KIAA1958: variants seen among roughly 807,000 people sequenced by gnomAD.
KIAA1958 encodes KIAA1958, also known as uncharacterized protein KIAA1958.
Under a neutral mutation model 47.2 loss-of-function variants are expected in KIAA1958, and 14 were observed. The ratio of observed to expected loss-of-function variants is 0.30; its 90% CI spans 0.20 to 0.46. KIAA1958 has a LOEUF of 0.46. Among genes scored for constraint, KIAA1958 ranks in the 20% least tolerant of loss-of-function variants. KIAA1958 has a pLI of 1.00. For missense variants in KIAA1958, 803 were observed against 909.2 expected (o/e 0.88, Z 1.50); for synonymous variants, 354 against 353.3 (o/e 1.00, Z -0.02).
intron 1 of KIAA1958, among the ~76,000 whole-genome samples, chr9:112,558,210 C>T (rs988438207): frequency 2.0e-5 from 3 of 150,628 alleles, no homozygotes; most frequent in Admixed American, 6.6e-5. Context: ...GGAGACAGAG[C>T]GAGACTCTGT....
chr9:112,488,263 T>C (rs949625323), intron 1 of KIAA1958, among the ~76,000 whole-genome samples: 3 of 152,214 alleles, frequency 2.0e-5, no homozygotes, highest in Non-Finnish European at 4.4e-5. Flanking sequence ...TCCACGTATA[T>C]AACCCAACGA....
chr9:112,572,860 G>A (rs187425825), intron 1 of KIAA1958, among the ~76,000 whole-genome samples: 15 of 152,286 alleles, frequency 9.8e-5, no homozygotes, highest in South Asian at 4.1e-4. Flanking sequence ...CTGACAGGGC[G>A]CCATGGAGTC....
chr9:112,494,059 A>T (rs1014572404), intron 1 of KIAA1958, among the ~76,000 whole-genome samples: 1 of 152,216 alleles, frequency 6.6e-6, no homozygotes, highest in Non-Finnish European at 1.5e-5. Context: ...CATAGGCCTT[A>T]GTTTGCTGAG....
chr9:112,575,286 C>G, intron 2 of KIAA1958, 35 bp downstream of exon 2: 1 of 1,397,608 alleles, frequency 7.2e-7, no homozygotes, highest in Non-Finnish European at 9.6e-7. Flanking sequence ...GTCCCTCATC[C>G]ACGCACGCCA....
chr9:112,563,014 A>C (rs1006050043), intron 1 of KIAA1958, among the ~76,000 whole-genome samples: 3 of 148,754 alleles, frequency 2.0e-5, no homozygotes. Flanking sequence ...ATTCCCTTTC[A>C]TCTTAACTTT....
intron 1 of KIAA1958, among the ~76,000 whole-genome samples, chr9:112,561,874 C>CAAAA (rs1351543983): frequency 6.6e-6 from 1 of 151,984 alleles, no homozygotes; most frequent in Non-Finnish European, 1.5e-5. Flanking sequence ...AACAAACAAA[C>CAAAA]AAAAAAACTC....
At chr9:112,558,091 G>A (rs1316450787) in intron 1 of KIAA1958, among the ~76,000 whole-genome samples, 1 of 152,046 alleles carries the variant, frequency 6.6e-6, no homozygotes, top group Non-Finnish European at 1.5e-5. Context: ...CGGGCATCGT[G>A]GTGCGCGCCT....
intron 2 of KIAA1958, among the ~76,000 whole-genome samples, chr9:112,592,439 A>G (rs1564184200): frequency 6.6e-6 from 1 of 152,300 alleles, no homozygotes; most frequent in South Asian, 2.1e-4. Context: ...ACTTCTACCC[A>G]TGTCACTTTG....
chr9:112,536,387 A>G (rs535403803), intron 1 of KIAA1958, among the ~76,000 whole-genome samples: 2 of 152,330 alleles, frequency 1.3e-5, no homozygotes, highest in African/African-American at 2.4e-5. Context: ...GACTTTTTCA[A>G]TAAAAGACAA....
intron 1 of KIAA1958, among the ~76,000 whole-genome samples, chr9:112,549,325 T>C (rs1462924081): frequency 6.6e-6 from 1 of 152,234 alleles, no homozygotes; most frequent in Non-Finnish European, 1.5e-5. Context: ...TCCCTTGGGT[T>C]TTATAACTCT....
At chr9:112,609,371 AGT>A (rs1836286343) in intron 2 of KIAA1958, among the ~76,000 whole-genome samples, 2 of 152,222 alleles carry the variant, frequency 1.3e-5, no homozygotes, top group African/African-American at 4.8e-5. Flanking sequence ...ATAAAATACT[AGT>A]ATAGTTTAAA....
intron 1 of KIAA1958, among the ~76,000 whole-genome samples, chr9:112,572,277 T>C (rs1248032375): frequency 6.6e-6 from 1 of 152,114 alleles, no homozygotes; most frequent in Non-Finnish European, 1.5e-5. Context: ...GAGAGTCTTA[T>C]ACGTTCACTT....
intron 2 of KIAA1958, among the ~76,000 whole-genome samples, chr9:112,584,250 A>G (rs949354481): frequency 1.3e-5 from 2 of 152,170 alleles, no homozygotes; most frequent in African/African-American, 2.4e-5. Flanking sequence ...CTCATCTGTA[A>G]GATAAAGATG....
At chr9:112,596,008 C>T (rs990971675) in intron 2 of KIAA1958, among the ~76,000 whole-genome samples, 6 of 152,056 alleles carry the variant, frequency 3.9e-5, no homozygotes, top group African/African-American at 1.4e-4. Context: ...TGGTCTCGAA[C>T]TCTTGACCTC....
chr9:112,511,005 CAG>C (rs1834317571), intron 1 of KIAA1958, among the ~76,000 whole-genome samples: 1 of 151,790 alleles, frequency 6.6e-6, no homozygotes, highest in Non-Finnish European at 1.5e-5. Context: ...AGTGATCAAG[CAG>C]GGGATGGTGT....
chr9:112,566,686 G>T (rs56136605), intron 1 of KIAA1958, among the ~76,000 whole-genome samples: 2,319 of 152,152 alleles, frequency 0.015, 24 homozygotes, highest in Non-Finnish European at 0.024. Flanking sequence ...TTTTCTCATT[G>T]CCCTACAACA....
At chr9:112,642,122 G>T (rs1245938917) in intron 2 of KIAA1958, among the ~76,000 whole-genome samples, 2 of 152,122 alleles carry the variant, frequency 1.3e-5, no homozygotes, top group East Asian at 3.9e-4. Context: ...AATTGATAGG[G>T]ATTTCCTTAG....
At chr9:112,598,828 T>C (rs952000596) in intron 2 of KIAA1958, among the ~76,000 whole-genome samples, 7 of 152,092 alleles carry the variant, frequency 4.6e-5, no homozygotes, top group Admixed American at 4.6e-4. Flanking sequence ...CCTAGCACTT[T>C]GACTTTGGGA....
intron 2 of KIAA1958, among the ~76,000 whole-genome samples, chr9:112,642,243 C>T (rs997505567): frequency 6.6e-6 from 1 of 152,204 alleles, no homozygotes; most frequent in African/African-American, 2.4e-5. Context: ...TGATAAGTGG[C>T]TGAAGAAGTG....
Sources: allele counts gnomAD v4.1 joint callset (sites outside exome capture counted in the v4.1 genomes callset), GRCh38; gene constraint gnomAD v4.1.1; transcripts MANE v1.5; gene names NCBI Gene and HGNC (gene_info 2026-07-23, HGNC 2026-07-21).